The following SLCO1B3 variants were observed in gnomAD, a reference collection of about 807,000 sequenced individuals.
SLCO1B3 encodes the protein solute carrier organic anion transporter family member 1B3.
In SLCO1B3, 72 loss-of-function variants were observed where a neutral mutation model predicts 71.8. The ratio of observed to expected loss-of-function variants is 1.00; its 90% CI spans 0.83 to 1.22. SLCO1B3 has a LOEUF of 1.22. Among genes scored for constraint, SLCO1B3 ranks in the 50% most tolerant of loss-of-function variants. The pLI is 0.00. For missense variants in SLCO1B3, 911 were observed against 819.7 expected, an observed-to-expected ratio of 1.11 and a Z score of -1.36; for synonymous variants, 298 against 278.4, an observed-to-expected ratio of 1.07 and a Z score of -0.70.
chr12:20,866,578 A>C (rs1415530676), intron 8 of SLCO1B3, among the ~76,000 whole-genome samples: 1 of 152,110 alleles, frequency 6.6e-6, no homozygotes, highest in Non-Finnish European at 1.5e-5. Flanking sequence ...TTTTCTAAAG[A>C]GGTTTGCCTC....
intron 5 of SLCO1B3, among the ~76,000 whole-genome samples, chr12:20,860,050 G>A (rs796594686): frequency 3.3e-5 from 5 of 150,738 alleles, no homozygotes; most frequent in African/African-American, 1.2e-4. Context: ...CCGCCTCCCG[G>A]GTTCACACCA....
chr12:20,859,466 G>C (rs983791370), intron 5 of SLCO1B3, among the ~76,000 whole-genome samples: 3 of 151,724 alleles, frequency 2.0e-5, no homozygotes, highest in Admixed American at 1.3e-4. Flanking sequence ...ATGCCTGTTG[G>C]TCACCATATG....
At position 20,855,115 on chromosome 12, in the gene SLCO1B3, A is replaced by G; in HGVS notation, c.172A>G (p.Arg58Gly). 6.2e-7 allele frequency: 1 copy of G among 1,611,860 alleles called. No individual in the cohort carries two copies. Among genetic ancestry groups the G allele is most frequent in the Non-Finnish European group, 8.5e-7 (1 of 1,178,900 alleles). ...AATTTCCATCACTCAAATAGAAAGG[A>G]GATTTGACATATCCTCTTCTCTTGC... ...MKISITQIERRFDISSSLAGL... is the reference protein window; with the variant it reads ...MKISITQIERGFDISSSLAGL... Residue 58 changes from arginine to glycine, a missense_variant, in exon 4 of 16, where the codon AGA (arginine) becomes GGA (glycine). By Grantham distance (125) the Arg-to-Gly change is moderately radical (BLOSUM62 -2). Transcript: ENST00000381545.
At chr12:20,909,389 G>A (rs1866325283) in intron 15 of SLCO1B3, among the ~76,000 whole-genome samples, 1 of 149,956 alleles carries the variant, frequency 6.7e-6, no homozygotes, top group South Asian at 2.1e-4. Flanking sequence ...TAGCCAGGAT[G>A]GTCTTGATCT....
At chr12:20,872,316 G>A (rs1275745229) in intron 8 of SLCO1B3, among the ~76,000 whole-genome samples, 1 of 151,390 alleles carries the variant, frequency 6.6e-6, no homozygotes, top group Non-Finnish European at 1.5e-5. Context: ...CTAGGCTATT[G>A]GACAGCATTT....
intron 3 of SLCO1B3, among the ~76,000 whole-genome samples, chr12:20,833,775 CATCT>C (rs1336785066): frequency 4.1e-5 from 6 of 145,618 alleles, no homozygotes; most frequent in Non-Finnish European, 9.0e-5. Context: ...TGTAGTTTAT[CATCT>C]ATCTCTCTAT....
chr12:20,913,048 G>A (rs551967347), intron 15 of SLCO1B3, among the ~76,000 whole-genome samples: 2 of 152,198 alleles, frequency 1.3e-5, no homozygotes, highest in East Asian at 3.9e-4. Context: ...ATGAGCTTGG[G>A]AAGACTTTGT....
At chr12:20,835,413 G>A (rs1283429109) in intron 3 of SLCO1B3, among the ~76,000 whole-genome samples, 1 of 152,070 alleles carries the variant, frequency 6.6e-6, no homozygotes, top group Non-Finnish European at 1.5e-5. Flanking sequence ...TTGCCAGGCT[G>A]CAAATCTTTC....
chr12:20,897,185 G>C (rs1406742361), intron 13 of SLCO1B3, among the ~76,000 whole-genome samples: 1 of 152,208 alleles, frequency 6.6e-6, no homozygotes, highest in African/African-American at 2.4e-5. Context: ...AAGTGCTGCT[G>C]TCCTTTGTCA....
chr12:20,815,729 T>C lies in SLCO1B3; in HGVS notation c.-10T>C, dbSNP rs770056188. 4 of 1,483,366 alleles carry C rather than the reference T, an allele frequency of 2.7e-6. No homozygotes were observed. The highest frequency in any genetic ancestry group is 4.7e-5 in the East Asian group (2 of 42,448). The allele number at this position is 1,483,366 out of a possible 1,614,324, so 91.9% of individuals were successfully genotyped here. Reference sequence around the variant, plus strand: ...ATTAAAAATATTCACTTGGTATCTGTAGTTTAATAATGGACCAACATCAAC... The same window carrying C: ...ATTAAAAATATTCACTTGGTATCTGCAGTTTAATAATGGACCAACATCAAC... On this transcript the variant is annotated 5_prime_UTR_variant, in exon 3 of 16. Coordinates refer to ENST00000381545, the MANE Select transcript of SLCO1B3 (RefSeq NM_019844.4).
chr12:20,896,501 A>G (rs1866009836), intron 13 of SLCO1B3, among the ~76,000 whole-genome samples: 1 of 152,170 alleles, frequency 6.6e-6, no homozygotes, highest in Non-Finnish European at 1.5e-5. Context: ...TATGACAAGC[A>G]TCATCTTTGC....
chr12:20,850,604 C>G (rs1442247074), intron 3 of SLCO1B3, among the ~76,000 whole-genome samples: 2 of 152,170 alleles, frequency 1.3e-5, no homozygotes, highest in East Asian at 1.9e-4. Flanking sequence ...ATTTTATCAG[C>G]CAAGTAATAA....
chr12:20,887,040 T>G (rs7959792), intron 13 of SLCO1B3, among the ~76,000 whole-genome samples: 111,561 of 151,860 alleles, frequency 0.73, 43,125 homozygotes, highest in South Asian at 0.9. Context: ...TGCTATAAAA[T>G]ACATGATTTC....
At chr12:20,878,975 AT>A (rs2121302012) in intron 10 of SLCO1B3, among the ~76,000 whole-genome samples, 1 of 152,224 alleles carries the variant, frequency 6.6e-6, no homozygotes, top group Admixed American at 6.5e-5. Flanking sequence ...GATTTTTTAG[AT>A]GGTAGGATAG....
At chr12:20,860,450 T>C (rs1865237182) in intron 5 of SLCO1B3, among the ~76,000 whole-genome samples, 1 of 152,204 alleles carries the variant, frequency 6.6e-6, no homozygotes, top group Non-Finnish European at 1.5e-5. Flanking sequence ...ACACTATATG[T>C]TGTCCTTAGA....
In SLCO1B3 at chr12:20,901,600, T is replaced by A; in HGVS notation, c.1865+133T>A. The A allele has an allele frequency of 1.1e-5, 6 of 549,106 alleles. No individual in the cohort carries two copies. The South Asian group carries it at 1.4e-4, about 13-fold the overall frequency. 34.0% of individuals were successfully genotyped at this position (549,106 alleles called of 1,614,324 possible). On this transcript the variant is annotated intron_variant, in intron 15 of 15. Transcript: ENST00000381545. The stretch of plus-strand genomic sequence containing the variant: ...TAGTGAACAATTACTTTGTATTCAC[T>A]ATTGTATCAAGCATTCTGGTATCTC...
intron 3 of SLCO1B3, among the ~76,000 whole-genome samples, chr12:20,819,007 A>G (rs1240128423): frequency 6.6e-6 from 1 of 151,858 alleles, no homozygotes; most frequent in Non-Finnish European, 1.5e-5. Flanking sequence ...AAGAAAATAG[A>G]TTTTGGAAGT....
At chr12:20,885,013 A>C (rs556667632) in intron 13 of SLCO1B3, among the ~76,000 whole-genome samples, 3 of 152,146 alleles carry the variant, frequency 2.0e-5, no homozygotes, top group African/African-American at 7.2e-5. Context: ...TCATAATTTC[A>C]TACTAGTTTG....
At chr12:20,821,767 C>T (rs533935702) in intron 3 of SLCO1B3, among the ~76,000 whole-genome samples, 8 of 152,266 alleles carry the variant, frequency 5.3e-5, no homozygotes, top group East Asian at 1.9e-4. Context: ...GGCATCCCTG[C>T]GTGGTCTGAC....
Sources: gnomAD v4.1 joint callset for allele counts (sites outside exome capture counted in the v4.1 genomes callset) on GRCh38, gnomAD v4.1.1 for gene constraint, MANE v1.5 for transcripts, NCBI Gene and HGNC (gene_info 2026-07-23, HGNC 2026-07-21) for gene names.